The following INSYN1 variants were observed in gnomAD, a reference collection of about 807,000 sequenced individuals.
INSYN1 encodes the protein inhibitory synaptic factor 1.
Under a neutral mutation model 17.1 loss-of-function variants are expected in INSYN1, and 7 were observed. That is an observed-to-expected ratio of 0.41 (90% confidence interval 0.23 to 0.77). The LOEUF is 0.77. Ranked by LOEUF, INSYN1 falls within the 30% of genes least tolerant of loss-of-function variation. The pLI, the probability that INSYN1 is intolerant of heterozygous loss-of-function variation, is 0.32. For synonymous variants in INSYN1, 174 were observed against 166.3 expected, an observed-to-expected ratio of 1.05 and a Z score of -0.36; for missense variants, 339 against 400.6, an observed-to-expected ratio of 0.85 and a Z score of 1.31.
chr15:73,740,793 G>A, intron 2 of INSYN1, 151 bp from the exon 3 acceptor site: 2 of 709,668 alleles, frequency 2.8e-6, no homozygotes, highest in Non-Finnish European at 4.8e-6. Context: ...TGGCCTGGAG[G>A]TCACAGGTTG....
rs533157726 is a variant in INSYN1 at position 73,741,173 on chromosome 15, C to T, written c.157-531G>A. The stretch of plus-strand genomic sequence containing the variant: ...ATCCTGGACCAGTCCTTGCAGCTGA[C>T]TGGTGACTGTCGCCCCTGGGTCTCC... On this transcript the variant is annotated intron_variant, in intron 2 of 2. Coordinates refer to ENST00000569673, the MANE Select transcript of INSYN1 (RefSeq NM_001039614.3). 6.4e-4 allele frequency among the ~76,000 whole-genome samples: 98 copies of T among 152,318 alleles called. 1 individual carries two copies. The highest frequency in any genetic ancestry group is 2.1e-3 in the African/African-American group (86 of 41,570).
Position 73,751,654 on chromosome 15 carries a change from T to A in INSYN1, c.-524A>T. ...CCAGATGTGGAAGGGGCTCCGGATA[T>A]GGGCAGCTCTGGGGAGGGAGCTGGA... On this transcript the variant is annotated 5_prime_UTR_variant, in exon 2 of 3. Coordinates refer to ENST00000569673, the MANE Select transcript of INSYN1 (RefSeq NM_001039614.3). The A allele has an allele frequency of 6.1e-6, 1 of 163,776 alleles. No homozygotes were observed. The highest frequency in any genetic ancestry group is 1.7e-4 in the South Asian group (1 of 5,968). 10.1% of individuals were successfully genotyped at this position (163,776 alleles called of 1,614,324 possible).
chr15:73,741,416 T>G (rs1298104779), intron 2 of INSYN1, among the ~76,000 whole-genome samples: 1 of 152,208 alleles, frequency 6.6e-6, no homozygotes, highest in African/African-American at 2.4e-5. Flanking sequence ...TTCAATGCAC[T>G]CAGGGGGCAG....
At position 73,739,865 on chromosome 15, in the gene INSYN1, A is replaced by ATATATATATATATATATT. The variant is rs1410142997; in HGVS notation, c.*51_*52insAATATATATATATATATA. The ATATATATATATATATATT allele has an allele frequency of 6.1e-6, 2 of 328,026 alleles. No homozygotes were observed. Among genetic ancestry groups the ATATATATATATATATATT allele is most frequent in the Non-Finnish European group, 1.1e-5 (2 of 181,722 alleles). The allele number at this position is 328,026 out of a possible 1,614,324, so 20.3% of individuals were successfully genotyped here. ...TATATATATATATATATATATATAT[A>ATATATATATATATATATT]TATTTATTTATAGCTCTATGTGCCC... On this transcript the variant is annotated 3_prime_UTR_variant, in exon 3 of 3. Coordinates refer to ENST00000569673, the MANE Select transcript of INSYN1 (RefSeq NM_001039614.3).
In INSYN1 at chr15:73,740,141, C is replaced by T. The variant is rs1482190029; in HGVS notation, c.658G>A (p.Glu220Lys). The change falls in exon 3 of 3, where the codon GAG becomes AAG. Residue 220 changes from glutamate to lysine, a missense_variant. By Grantham distance (56) the Glu-to-Lys change is moderately conservative. Coordinates refer to ENST00000569673, the MANE Select transcript of INSYN1 (RefSeq NM_001039614.3). Reference sequence around the variant, plus strand: ...GCATGGGCCTCTGTATGGGCAGGCTCAGGGGGCAAGCCCACTTCTTCCTCC... The same window carrying T: ...GCATGGGCCTCTGTATGGGCAGGCTTAGGGGGCAAGCCCACTTCTTCCTCC... ...VEEEEVGLPP[E>K]PAHTEAHAGP... The T allele has an allele frequency of 6.2e-7, 1 of 1,613,910 alleles. No homozygotes were observed.
Position 73,735,617 on chromosome 15 carries a change from TG to T in INSYN1, c.*4299del, listed in dbSNP as rs935110601. On this transcript the variant is annotated 3_prime_UTR_variant, in exon 3 of 3. Coordinates refer to ENST00000569673, the MANE Select transcript of INSYN1 (RefSeq NM_001039614.3). The stretch of plus-strand genomic sequence containing the variant: ...ACTCCCCTCACCCCGAAGACCCGCC[TG>T]GCTCTCAGACGACCCAGCCCCGACC... The T allele has an allele frequency of 1.3e-5, 2 of 152,182 alleles. No homozygotes were observed. The highest frequency in any genetic ancestry group is 4.8e-5 in the African/African-American group (2 of 41,440). The allele number at this position is 152,182 out of a possible 1,614,324, so 9.4% of individuals were successfully genotyped here. A position where few individuals can be genotyped will look rare whatever the true frequency, so the allele number is the denominator to read the frequency against.
chr15:73,745,952 C>A (rs1901815976), intron 2 of INSYN1, among the ~76,000 whole-genome samples: 1 of 152,094 alleles, frequency 6.6e-6, no homozygotes, highest in Non-Finnish European at 1.5e-5. Context: ...CCAGTGGAAG[C>A]TTTGCTGTGT....
At position 73,751,483 on chromosome 15, in the gene INSYN1, G is replaced by C. The variant is rs1314152074; in HGVS notation, c.-353C>G. 1 of 309,822 alleles carries C rather than the reference G, an allele frequency of 3.2e-6. No homozygotes were observed. The highest frequency in any genetic ancestry group is 6.2e-6 in the Non-Finnish European group (1 of 160,320). The allele number at this position is 309,822 out of a possible 1,614,324, so 19.2% of individuals were successfully genotyped here. ...GCCTGAGCTTGAACACAGAGGCAGG[G>C]GGATGACTCTGCAGGGACTAAGGGT... On this transcript the variant is annotated 5_prime_UTR_variant, in exon 2 of 3. Transcript: ENST00000569673.
intron 2 of INSYN1, among the ~76,000 whole-genome samples, chr15:73,743,457 C>G (rs1901738649): frequency 6.6e-6 from 1 of 152,188 alleles, no homozygotes; most frequent in Non-Finnish European, 1.5e-5. Context: ...GATTATCCCC[C>G]TCTGGGGCTT....
chr15:73,751,371 G>A lies in INSYN1; in HGVS notation c.-241C>T. On this transcript the variant is annotated 5_prime_UTR_variant, in exon 2 of 3. Coordinates refer to ENST00000569673, the MANE Select transcript of INSYN1 (RefSeq NM_001039614.3). ...GTCTAGCAGAGGGGGTCAAGGTGAG[G>A]ACACAGGAGAGGAGGGGGAGGGACC... 1 of 539,920 alleles carries A rather than the reference G, an allele frequency of 1.9e-6. No homozygotes were observed. The highest frequency in any genetic ancestry group is 3.3e-6 in the Non-Finnish European group (1 of 299,490). The allele number at this position is 539,920 out of a possible 1,614,324, so 33.4% of individuals were successfully genotyped here. A position where few individuals can be genotyped will look rare whatever the true frequency, so the allele number is the denominator to read the frequency against.
intron 2 of INSYN1, among the ~76,000 whole-genome samples, chr15:73,747,978 G>C (rs1439880297): frequency 6.6e-6 from 1 of 152,200 alleles, no homozygotes; most frequent in Admixed American, 6.5e-5. Context: ...CAGGGAGCCA[G>C]TGGCAGAGCT....
chr15:73,739,744 A>C lies in INSYN1; in HGVS notation c.*173T>G. ...CCTGGGACCTAGGAGGCCAATGGGC[A>C]TCTTCATGTCTAAGAGGAGCTCTGT... is the stretch of plus-strand genomic sequence containing the variant. On this transcript the variant is annotated 3_prime_UTR_variant, in exon 3 of 3. Transcript: ENST00000569673. The C allele has an allele frequency of 5.6e-6, 1 of 176,994 alleles. No individual in the cohort carries two copies. The highest frequency in any genetic ancestry group is 1.2e-5 in the Non-Finnish European group (1 of 86,928). 11.0% of individuals were successfully genotyped at this position (176,994 alleles called of 1,614,324 possible). A position where few individuals can be genotyped will look rare whatever the true frequency, so the allele number is the denominator to read the frequency against.
intron 2 of INSYN1, among the ~76,000 whole-genome samples, chr15:73,742,763 C>G (rs1291189007): frequency 6.6e-6 from 1 of 152,140 alleles, no homozygotes; most frequent in East Asian, 1.9e-4. Flanking sequence ...CCCAGAAGCC[C>G]TTGCTCAACC....
At chr15:73,750,400 C>T (rs193143645) in intron 2 of INSYN1, among the ~76,000 whole-genome samples, 56 of 152,330 alleles carry the variant, frequency 3.7e-4, no homozygotes, top group Admixed American at 9.8e-4. Flanking sequence ...ATGCAAGGAA[C>T]TCTGTTATCC....
chr15:73,737,132 G>A lies in INSYN1; in HGVS notation c.*2785C>T, dbSNP rs1901549982. ...AGCCACTACTACAGAGTCACATAGAGCCAGTGTGGGGTGCAGGATCCCATG... is the reference window on the plus strand; with the variant it reads ...AGCCACTACTACAGAGTCACATAGAACCAGTGTGGGGTGCAGGATCCCATG... On this transcript the variant is annotated 3_prime_UTR_variant, in exon 3 of 3. Transcript: ENST00000569673. 1 of 152,264 alleles carries A rather than the reference G, an allele frequency of 6.6e-6. No homozygotes were observed. Among genetic ancestry groups the A allele is most frequent in the African/African-American group, 2.4e-5 (1 of 41,460 alleles). The allele number at this position is 152,264 out of a possible 1,614,324, so 9.4% of individuals were successfully genotyped here.
chr15:73,740,693 T>C (rs2141464144), intron 2 of INSYN1, 51 bp from the exon 3 acceptor site: 1 of 1,417,754 alleles, frequency 7.1e-7, no homozygotes, highest in East Asian at 2.3e-5. Context: ...GGTCCCTGCA[T>C]CAGCCAGGTG....
chr15:73,742,240 G>A (rs770800606), intron 2 of INSYN1, among the ~76,000 whole-genome samples: 36 of 152,158 alleles, frequency 2.4e-4, no homozygotes, highest in Non-Finnish European at 5.0e-4. Context: ...AGGACATCTG[G>A]ATTCCAGACT....
In INSYN1 at chr15:73,740,318, T is replaced by G; in HGVS notation, c.481A>C (p.Ser161Arg). 6.2e-7 allele frequency: 1 copy of G among 1,611,874 alleles called. No individual in the cohort carries two copies. Among genetic ancestry groups the G allele is most frequent in the South Asian group, 1.1e-5 (1 of 90,768 alleles). ...GPRVETPDSS[S>R]EEAFGAGPTV... ...GGGCCAGCACCAAAGGCCTCCTCAC[T>G]GGAGGAGTCTGGGGTCTCCACTCGT... The change falls in exon 3 of 3, where the codon AGT becomes CGT. Residue 161 changes from serine to arginine, a missense_variant. Coordinates refer to ENST00000569673, the MANE Select transcript of INSYN1 (RefSeq NM_001039614.3).
Position 73,740,520 on chromosome 15 carries a change from A to G in INSYN1, c.279T>C (p.Phe93=). 1 of 1,614,072 alleles carries G rather than the reference A, an allele frequency of 6.2e-7. No individual in the cohort carries two copies. Among genetic ancestry groups the G allele is most frequent in the Admixed American group, 1.7e-5 (1 of 60,022 alleles). ...TCATGAAGTCCAGGTGGCCCAGGTCAAAGGGGCCACCCATGCCCGCCTTGT... is the reference window on the plus strand; with the variant it reads ...TCATGAAGTCCAGGTGGCCCAGGTCGAAGGGGCCACCCATGCCCGCCTTGT... ...SSDKAGMGGP[F]DLGHLDFMTA... Residue 93 remains phenylalanine, a synonymous_variant, in exon 3 of 3, where the codon TTT becomes TTC. Transcript: ENST00000569673.
Sources: allele counts gnomAD v4.1 joint callset (sites outside exome capture counted in the v4.1 genomes callset), GRCh38; gene constraint gnomAD v4.1.1; transcripts MANE v1.5; gene names NCBI Gene and HGNC (gene_info 2026-07-23, HGNC 2026-07-21).